TRPM8: variants seen among roughly 807,000 people sequenced by gnomAD.
TRPM8 encodes the protein transient receptor potential cation channel subfamily M member 8.
A neutral mutation model predicts 133.7 loss-of-function variants in TRPM8; 110 were observed. The ratio of observed to expected loss-of-function variants is 0.82; its 90% CI spans 0.70 to 0.96. The LOEUF (loss-of-function observed/expected upper bound fraction) is 0.96. TRPM8 is among the 40% of genes least tolerant of loss of function. TRPM8 has a pLI of 0.00. For synonymous variants in TRPM8, 535 were observed against 532.3 expected (o/e 1.01, Z -0.07); for missense variants, 1,291 against 1,379.5 (o/e 0.94, Z 1.02).
At position 233,980,237 on chromosome 2, in the gene TRPM8, A is replaced by G. The variant is rs1430954187; in HGVS notation, c.2405A>G (p.Asp802Gly). Residue 802 changes from aspartate (D) to glycine (G), a missense_variant, in exon 18 of 26, where the codon GAC (aspartate) becomes GGC (glycine). By Grantham distance (94) the Asp-to-Gly change is moderately conservative. This residue lies in a region of TRPM8 where 328 missense variants were observed against 410.6 expected (regional missense o/e 0.80). Transcript: ENST00000324695. ...TTTACTGACCTGTGGAATGTGATGG[A>G]CACGCTGGGGCTTTTTTACTTCATA... The part of the protein sequence containing the change: ...NYFTDLWNVM[D>G]TLGLFYFIAG... 6.2e-7 allele frequency: 1 copy of G among 1,604,706 alleles called. No individual in the cohort carries two copies. Among genetic ancestry groups the G allele is most frequent in the Non-Finnish European group, 8.5e-7 (1 of 1,177,086 alleles).
At chr2:233,982,462 T>G (rs1186430723) in intron 19 of TRPM8, among the ~76,000 whole-genome samples, 1 of 152,238 alleles carries the variant, frequency 6.6e-6, no homozygotes, top group Non-Finnish European at 1.5e-5. Flanking sequence ...CCTGTTTCTG[T>G]CTTTAAATCA....
intron 3 of TRPM8, among the ~76,000 whole-genome samples, chr2:233,932,359 T>G (rs951626964): frequency 2.0e-5 from 3 of 152,238 alleles, no homozygotes; most frequent in Non-Finnish European, 4.4e-5. Flanking sequence ...CTCCTAGCAA[T>G]TCCATCAAAA....
At chr2:233,948,984 A>C (rs1691109712) in intron 8 of TRPM8, among the ~76,000 whole-genome samples, 1 of 152,228 alleles carries the variant, frequency 6.6e-6, no homozygotes, top group Non-Finnish European at 1.5e-5. Context: ...CAGTGAGCCG[A>C]GATTGCGCCA....
intron 24 of TRPM8, among the ~76,000 whole-genome samples, chr2:234,012,791 G>A (rs17866588): frequency 0.057 from 8,672 of 151,552 alleles, 302 homozygotes; most frequent in East Asian, 0.12. Flanking sequence ...CTTCTATATC[G>A]ATTTTGTTGA....
At chr2:234,000,850 TGTATTTTTA>T (rs1450362030) in intron 22 of TRPM8, among the ~76,000 whole-genome samples, 1 of 152,164 alleles carries the variant, frequency 6.6e-6, no homozygotes, top group Admixed American at 6.5e-5. Flanking sequence ...GGCTGGTTTT[TGTATTTTTA>T]GTAGGGACAG....
intron 21 of TRPM8, among the ~76,000 whole-genome samples, chr2:233,988,537 G>A (rs1025077913): frequency 6.6e-6 from 1 of 152,120 alleles, no homozygotes; most frequent in Non-Finnish European, 1.5e-5. Flanking sequence ...TTAGTTATTA[G>A]GAGCTTAGCT....
chr2:233,950,684 C>G (rs1691153562), intron 9 of TRPM8, among the ~76,000 whole-genome samples: 1 of 152,172 alleles, frequency 6.6e-6, no homozygotes, highest in Non-Finnish European at 1.5e-5. Flanking sequence ...GTGCAAAGCC[C>G]AGTGAGAGGA....
At chr2:233,942,451 C>G (rs747151622) in intron 5 of TRPM8, 125 bp from the exon 6 acceptor site, 7 of 898,762 alleles carry the variant, frequency 7.8e-6, no homozygotes, top group Non-Finnish European at 1.3e-5. Flanking sequence ...TGCCATACGA[C>G]ATAGCTGCCA....
chr2:233,955,291 T>C, intron 11 of TRPM8, 41 bp downstream of exon 11: 1 of 1,478,500 alleles, frequency 6.8e-7, no homozygotes, highest in Non-Finnish European at 9.4e-7. Context: ...GTGTTGGGTC[T>C]GGACAGTGGT....
At chr2:234,001,815 GT>G (rs2125376273) in intron 22 of TRPM8, among the ~76,000 whole-genome samples, 1 of 152,348 alleles carries the variant, frequency 6.6e-6, no homozygotes, top group Admixed American at 6.5e-5. Context: ...TGGACCAGAG[GT>G]GACGTAGATA....
intron 17 of TRPM8, among the ~76,000 whole-genome samples, chr2:233,978,481 G>T (rs1691925962): frequency 6.6e-6 from 1 of 152,108 alleles, no homozygotes; most frequent in Non-Finnish European, 1.5e-5. Context: ...AATAGGGTAG[G>T]CATATGTATG....
chr2:233,937,967 A>G (rs992613239), intron 4 of TRPM8, among the ~76,000 whole-genome samples: 2 of 152,206 alleles, frequency 1.3e-5, no homozygotes, highest in African/African-American at 4.8e-5. Context: ...CCGTGCTCCC[A>G]GTCTCAATGA....
rs1430593455 is a variant in TRPM8, at chr2:234,018,824, G to A, written c.*1568G>A. ...TGCACCACTGCACTCCAGCCGGGGT[G>A]ACAGAGTGAGACTCCGACTGAAAAT... On this transcript the variant is annotated 3_prime_UTR_variant, in exon 26 of 26. Transcript: ENST00000324695. 1 of 149,240 alleles carries A rather than the reference G, an allele frequency of 6.7e-6. No homozygotes were observed. Among genetic ancestry groups the A allele is most frequent in the African/African-American group, 2.5e-5 (1 of 40,124 alleles). The allele number at this position is 149,240 out of a possible 1,614,324, so 9.2% of individuals were successfully genotyped here.
At position 233,927,950 on chromosome 2, in the gene TRPM8, CTCTCTCTCTCTTTCTT is replaced by C. The variant is rs1691597964; in HGVS notation, c.117+1300_117+1315del. 9.6e-5 allele frequency among the ~76,000 whole-genome samples: 7 copies of C among 72,870 alleles called. 1 individual carries two copies. The highest frequency in any genetic ancestry group is 5.2e-4 in the African/African-American group (5 of 9,650). 47.8% of individuals were successfully genotyped at this position (72,870 alleles called of 152,430 possible). ...TCTCTCTCTCTCTCTCTCTCTCTCT[CTCTCTCTCTCTTTCTT>C]TCTTTCTTTCTTTTTTTTTTTGAGA... On this transcript the variant is annotated intron_variant, in intron 2 of 25. Transcript: ENST00000324695.
intron 5 of TRPM8, among the ~76,000 whole-genome samples, chr2:233,941,190 A>G (rs562019894): frequency 1.3e-5 from 2 of 152,334 alleles, no homozygotes; most frequent in East Asian, 3.9e-4. Context: ...TAAGGAAACT[A>G]GTGGTGATTT....
intron 5 of TRPM8, among the ~76,000 whole-genome samples, chr2:233,941,951 TC>T (rs1690914145): frequency 6.6e-6 from 1 of 152,104 alleles, no homozygotes; most frequent in Non-Finnish European, 1.5e-5. Flanking sequence ...GCTTAGAGGC[TC>T]TGGTTAGACA....
chr2:233,992,923 A>G (rs896313731), intron 21 of TRPM8, among the ~76,000 whole-genome samples: 1 of 152,152 alleles, frequency 6.6e-6, no homozygotes, highest in Non-Finnish European at 1.5e-5. Flanking sequence ...TTTGAAAACA[A>G]TGTCTACAGA....
rs539889891 is a variant in TRPM8 at position 233,997,678 on chromosome 2, C to T, written c.3130+1162C>T. ...ATTTCTCTGGTGGCTCCCCCCTACCCCAGCCTCTGGTTTCCAGGGGTCCAC... is the reference window on the plus strand; with the variant it reads ...ATTTCTCTGGTGGCTCCCCCCTACCTCAGCCTCTGGTTTCCAGGGGTCCAC... On this transcript the variant is annotated intron_variant, in intron 22 of 25. Transcript: ENST00000324695. Among the ~76,000 whole-genome samples the T allele has an allele frequency of 3.3e-5, 5 of 152,288 alleles. No homozygotes were observed. The South Asian group carries it at 1.0e-3, about 32-fold the overall frequency.
chr2:234,017,379 A>T lies in TRPM8; in HGVS notation c.*123A>T. On this transcript the variant is annotated 3_prime_UTR_variant, in exon 26 of 26. Transcript: ENST00000324695. Reference sequence around the variant, plus strand: ...TTTCAGACCCCTGGGTACATGGTGGATGATTTTAAATCACCCTAGTGTGCT... The same window carrying T: ...TTTCAGACCCCTGGGTACATGGTGGTTGATTTTAAATCACCCTAGTGTGCT... The T allele has an allele frequency of 2.1e-6, 1 of 471,220 alleles. No individual in the cohort carries two copies. The highest frequency in any genetic ancestry group is 4.4e-6 in the Non-Finnish European group (1 of 227,080). The allele number at this position is 471,220 out of a possible 1,614,324, so 29.2% of individuals were successfully genotyped here. A position where few individuals can be genotyped will look rare whatever the true frequency, so the allele number is the denominator to read the frequency against.
Sources: gnomAD v4.1 joint callset for allele counts (sites outside exome capture counted in the v4.1 genomes callset) on GRCh38, gnomAD v4.1.1 for gene constraint, gnomAD v4.1.1 regional missense constraint, MANE v1.5 for transcripts, NCBI Gene and HGNC (gene_info 2026-07-23, HGNC 2026-07-21) for gene names.